The following TTLL5 variants were observed in gnomAD, a reference collection of about 807,000 sequenced individuals.
TTLL5 encodes the protein tubulin polyglutamylase TTLL5.
Under a neutral mutation model 168.4 loss-of-function variants are expected in TTLL5, and 132 were observed. The ratio of observed to expected loss-of-function variants is 0.78; its 90% CI spans 0.68 to 0.91. The LOEUF is 0.91. Among genes scored for constraint, TTLL5 ranks in the 40% least tolerant of loss-of-function variants. The pLI, the probability that TTLL5 is intolerant of heterozygous loss-of-function variation, is 0.00. For missense variants in TTLL5, 1,545 were observed against 1,581.5 expected, an observed-to-expected ratio of 0.98 and a Z score of 0.39; for synonymous variants, 546 against 558.6, an observed-to-expected ratio of 0.98 and a Z score of 0.32.
At chr14:75,771,616 A>G (rs897603499) in intron 20 of TTLL5, 118 bp from the exon 21 acceptor site, 5 of 1,437,022 alleles carry the variant, frequency 3.5e-6, no homozygotes, top group Middle Eastern at 1.9e-4. Flanking sequence ...GATGGGTTTC[A>G]TATTTCTTAG....
At chr14:75,871,223 A>G (rs1339363477) in intron 29 of TTLL5, among the ~76,000 whole-genome samples, 1 of 152,178 alleles carries the variant, frequency 6.6e-6, no homozygotes, top group African/African-American at 2.4e-5. Flanking sequence ...GTTGCTTTCT[A>G]AGCTGCTCCT....
chr14:75,719,204 A>G (rs1167590927), intron 10 of TTLL5, among the ~76,000 whole-genome samples: 1 of 152,210 alleles, frequency 6.6e-6, no homozygotes, highest in East Asian at 1.9e-4. Flanking sequence ...CAAAAAAATC[A>G]GGAAAAGCCA....
chr14:75,920,275 T>A (rs887582421), intron 31 of TTLL5, among the ~76,000 whole-genome samples: 2 of 152,178 alleles, frequency 1.3e-5, no homozygotes, highest in African/African-American at 4.8e-5. Context: ...TAACCCAATT[T>A]TTTTTTAAAT....
intron 31 of TTLL5, among the ~76,000 whole-genome samples, chr14:75,924,037 A>AC (rs1474655171): frequency 9.4e-6 from 1 of 106,194 alleles, no homozygotes; most frequent in African/African-American, 3.9e-5. Context: ...TAGGATTGCA[A>AC]CCCCAGCTTT....
intron 9 of TTLL5, chr14:75,710,841 G>C (rs1160793697): frequency 1.3e-5 from 2 of 152,138 alleles, no homozygotes; most frequent in Non-Finnish European, 2.9e-5. Flanking sequence ...ATCAGTTTGG[G>C]ATGAGATTAT....
At chr14:75,797,683 T>C (rs1893068618) in intron 27 of TTLL5, among the ~76,000 whole-genome samples, 1 of 152,184 alleles carries the variant, frequency 6.6e-6, no homozygotes, top group African/African-American at 2.4e-5. Context: ...ATGTGATTTT[T>C]GTCTTTGATT....
At chr14:75,748,616 A>G (rs74069224) in intron 17 of TTLL5, among the ~76,000 whole-genome samples, 6 of 152,348 alleles carry the variant, frequency 3.9e-5, no homozygotes, top group African/African-American at 1.2e-4. Context: ...AAGTTTTTGT[A>G]TAGGCTCAGT....
At chr14:75,772,413 C>T (rs1426133823) in intron 21 of TTLL5, among the ~76,000 whole-genome samples, 1 of 152,220 alleles carries the variant, frequency 6.6e-6, no homozygotes, top group Non-Finnish European at 1.5e-5. Context: ...TGAAAGTCAT[C>T]ACCTTATCAT....
At chr14:75,938,138 C>T (rs926242293) in intron 31 of TTLL5, among the ~76,000 whole-genome samples, 1 of 152,190 alleles carries the variant, frequency 6.6e-6, no homozygotes. Context: ...ATAAAATTAG[C>T]ATCATGGATG....
Position 75,775,540 on chromosome 14 carries a change from G to T in TTLL5, c.2193G>T (p.Arg731Ser). 6.2e-7 allele frequency: 1 copy of T among 1,614,006 alleles called. No homozygotes were observed. Among genetic ancestry groups the T allele is most frequent in the Non-Finnish European group, 8.5e-7 (1 of 1,179,972 alleles). ...CAAATAACCTCCAGCATTCACTGAGGATGGTATTACCCAGTCGACGATTGG... is the reference window on the plus strand; with the variant it reads ...CAAATAACCTCCAGCATTCACTGAGTATGGTATTACCCAGTCGACGATTGG... ...RASNNLQHSLRMVLPSRRLAL... is the reference protein window; with the variant it reads ...RASNNLQHSLSMVLPSRRLAL... The change falls in exon 22 of 32, where the codon AGG becomes AGT. Residue 731 changes from arginine (R) to serine (S), a missense_variant. Transcript: ENST00000298832.
intron 29 of TTLL5, among the ~76,000 whole-genome samples, chr14:75,873,560 C>T (rs535199581): frequency 3.3e-5 from 5 of 152,152 alleles, no homozygotes; most frequent in Admixed American, 6.5e-5. Context: ...GATTCATCCA[C>T]GTTGTAGCGT....
chr14:75,672,988 G>C (rs1432207255), intron 3 of TTLL5, among the ~76,000 whole-genome samples: 2 of 151,960 alleles, frequency 1.3e-5, no homozygotes, highest in East Asian at 3.9e-4. Context: ...ACCCATGCTG[G>C]AGTGCAGTGG....
At chr14:75,873,513 T>C (rs2031217693) in intron 29 of TTLL5, among the ~76,000 whole-genome samples, 1 of 152,266 alleles carries the variant, frequency 6.6e-6, no homozygotes, top group East Asian at 1.9e-4. Flanking sequence ...GAAATGATTT[T>C]GTCATTAGAT....
intron 26 of TTLL5, among the ~76,000 whole-genome samples, chr14:75,788,961 A>G (rs975642076): frequency 2.0e-5 from 3 of 152,290 alleles, no homozygotes; most frequent in Non-Finnish European, 4.4e-5. Context: ...ACCTATAAAT[A>G]TCATTTGCCA....
chr14:75,884,689 G>T (rs571681652), intron 30 of TTLL5, among the ~76,000 whole-genome samples: 2 of 152,296 alleles, frequency 1.3e-5, no homozygotes, highest in South Asian at 4.1e-4. Context: ...TCTAGGACAA[G>T]TCTCTGAAGC....
In TTLL5 at chr14:75,902,273, G is replaced by T. The variant is rs190026260; in HGVS notation, c.3823+49G>T. On this transcript the variant is annotated intron_variant, in intron 31 of 31. Transcript: ENST00000298832. ...CAACTGGATAGATGACAGGGAAGGT[G>T]TTGGGCTTGGCACATTCTCTCTTCT... 7.9e-5 allele frequency: 126 copies of T among 1,588,006 alleles called. 1 individual carries two copies. In the African/African-American group the frequency reaches 1.5e-3, roughly 19 times the overall value.
In TTLL5 at chr14:75,920,122, A is replaced by G. The variant is rs201738188; in HGVS notation, c.3823+17898A>G. The stretch of plus-strand genomic sequence containing the variant: ...GGGTGAGAGTGAGATCCTGTCTCAA[A>G]AGCAACAACAACAACAACAACAACA... On this transcript the variant is annotated intron_variant, in intron 31 of 31. Coordinates refer to ENST00000298832, the MANE Select transcript of TTLL5 (RefSeq NM_015072.5). 0.014 allele frequency among the ~76,000 whole-genome samples: 990 copies of G among 72,906 alleles called. 59 individuals carry two copies. The East Asian group carries it at 0.26, about 19-fold the overall frequency. 47.8% of individuals were successfully genotyped at this position (72,906 alleles called of 152,430 possible). A position where few individuals can be genotyped will look rare whatever the true frequency, so the allele number is the denominator to read the frequency against.
chr14:75,764,513 C>T, intron 18 of TTLL5, 102 bp from the exon 19 acceptor site: 1 of 1,367,042 alleles, frequency 7.3e-7, no homozygotes, highest in Non-Finnish European at 1.0e-6. Context: ...CTTGAGTTAC[C>T]ATGTCCAGTA....
intron 30 of TTLL5, among the ~76,000 whole-genome samples, chr14:75,899,666 A>G (rs1032038295): frequency 1.3e-5 from 2 of 152,016 alleles, no homozygotes; most frequent in African/African-American, 4.8e-5. Flanking sequence ...CTTTGATGGG[A>G]GTTGATGGGA....
Sources: gnomAD v4.1 joint callset for allele counts (sites outside exome capture counted in the v4.1 genomes callset) on GRCh38, gnomAD v4.1.1 for gene constraint, MANE v1.5 for transcripts, NCBI Gene and HGNC (gene_info 2026-07-23, HGNC 2026-07-21) for gene names.